Variants in EDIL3 observed in about 807,000 individuals in gnomAD.
EDIL3 encodes EGF like and discoidin domains 3.
A neutral mutation model predicts 67.4 loss-of-function variants in EDIL3; 37 were observed. That is an observed-to-expected ratio of 0.55 (90% CI 0.42 to 0.72). EDIL3 has a LOEUF of 0.72. Ranked by LOEUF, EDIL3 falls within the 30% of genes least tolerant of loss-of-function variation. EDIL3 has a pLI of 0.00. For synonymous variants in EDIL3, 195 were observed against 196.3 expected, an observed-to-expected ratio of 0.99 and a Z score of 0.05; for missense variants, 527 against 586.3, an observed-to-expected ratio of 0.90 and a Z score of 1.04.
chr5:84,129,702 T>C (rs962042666), intron 5 of EDIL3, among the ~76,000 whole-genome samples: 10 of 152,118 alleles, frequency 6.6e-5, no homozygotes, highest in African/African-American at 2.2e-4. Context: ...AAATTAAATA[T>C]TTATTTTTCT....
chr5:84,255,130 C>A (rs968606801), intron 1 of EDIL3, among the ~76,000 whole-genome samples: 5 of 152,084 alleles, frequency 3.3e-5, no homozygotes, highest in African/African-American at 1.2e-4. Flanking sequence ...AAGAACCAGT[C>A]CATTTGAAAG....
At chr5:84,221,800 T>G (rs1456143509) in intron 3 of EDIL3, among the ~76,000 whole-genome samples, 1 of 151,962 alleles carries the variant, frequency 6.6e-6, no homozygotes, top group Non-Finnish European at 1.5e-5. Flanking sequence ...GATAAAACAA[T>G]TAGTAAAGTT....
intron 1 of EDIL3, among the ~76,000 whole-genome samples, chr5:84,320,318 A>G (rs2112154748): frequency 6.6e-6 from 1 of 152,228 alleles, no homozygotes; most frequent in South Asian, 2.1e-4. Context: ...TTACTTAAAT[A>G]TATTTGATCC....
intron 1 of EDIL3, among the ~76,000 whole-genome samples, chr5:84,319,488 AAAC>A (rs751973998): frequency 5.3e-5 from 4 of 75,726 alleles, no homozygotes; most frequent in African/African-American, 2.2e-4. Context: ...AAAAAACAAA[AAAC>A]AACAAAAAAA....
rs1472197617 is a variant in EDIL3 at position 84,074,613 on chromosome 5, G to A, written c.652-8007C>T. 7.3e-5 allele frequency among the ~76,000 whole-genome samples: 11 copies of A among 151,646 alleles called. No individual in the cohort carries two copies. The East Asian group carries it at 2.1e-3, about 29-fold the overall frequency. ...ACATGAAAAAATGCTCACCATCACT[G>A]GCCATCAGCGAAATGCAAATCAAAA... On this transcript the variant is annotated intron_variant, in intron 6 of 10. Transcript: ENST00000296591.
chr5:84,055,821 A>G (rs1746435450), intron 9 of EDIL3, among the ~76,000 whole-genome samples: 1 of 152,204 alleles, frequency 6.6e-6, no homozygotes, highest in Non-Finnish European at 1.5e-5. Context: ...CAGGTGCTGG[A>G]GAGGATGTGA....
At chr5:84,035,679 C>T (rs936836853) in intron 9 of EDIL3, among the ~76,000 whole-genome samples, 5 of 152,180 alleles carry the variant, frequency 3.3e-5, no homozygotes, top group South Asian at 2.1e-4. Flanking sequence ...CTTTCTTTTA[C>T]TTCTTGGACT....
chr5:84,133,871 A>C (rs1234803322), intron 5 of EDIL3, among the ~76,000 whole-genome samples: 1 of 152,106 alleles, frequency 6.6e-6, no homozygotes, highest in Non-Finnish European at 1.5e-5. Context: ...AATCACATCT[A>C]GAAGTCTAAA....
chr5:84,374,180 C>T (rs1280289350), intron 1 of EDIL3, among the ~76,000 whole-genome samples: 1 of 151,538 alleles, frequency 6.6e-6, no homozygotes, highest in Non-Finnish European at 1.5e-5. Context: ...ATGCCAACCT[C>T]TCCTTTTTAT....
At chr5:84,311,312 C>CTTTTTTTTT (rs900034474) in intron 1 of EDIL3, among the ~76,000 whole-genome samples, 1 of 93,898 alleles carries the variant, frequency 1.1e-5, no homozygotes. Flanking sequence ...AATGTATTTT[C>CTTTTTTTTT]TTTTTTTTTT....
chr5:84,183,543 T>C (rs1323694768), intron 3 of EDIL3, among the ~76,000 whole-genome samples: 1 of 152,192 alleles, frequency 6.6e-6, no homozygotes, highest in African/African-American at 2.4e-5. Context: ...TTTCCAGTTT[T>C]GCAGGTGAGG....
intron 1 of EDIL3, among the ~76,000 whole-genome samples, chr5:84,304,035 A>G (rs1002725669): frequency 1.3e-5 from 2 of 152,162 alleles, no homozygotes; most frequent in Non-Finnish European, 2.9e-5. Context: ...ACAGAGTAAT[A>G]TACTCATTGG....
At chr5:84,119,564 T>A (rs1289479131) in intron 5 of EDIL3, among the ~76,000 whole-genome samples, 6 of 152,078 alleles carry the variant, frequency 3.9e-5, no homozygotes, top group Non-Finnish European at 7.4e-5. Flanking sequence ...TTAAATAATC[T>A]TAGTTTAAAA....
chr5:84,138,161 A>C (rs1748127195), intron 4 of EDIL3, among the ~76,000 whole-genome samples: 1 of 152,220 alleles, frequency 6.6e-6, no homozygotes, highest in Non-Finnish European at 1.5e-5. Context: ...ATTCTGTGGG[A>C]GCCAGTACAG....
Position 84,358,592 on chromosome 5 carries a change from C to CTTTTTTTT in EDIL3, c.67+25708_67+25715dup, listed in dbSNP as rs756013675. Among the ~76,000 whole-genome samples the CTTTTTTTT allele has an allele frequency of 3.9e-4, 37 of 94,570 alleles. 1 individual carries two copies. The highest frequency in any genetic ancestry group is 1.3e-3 in the African/African-American group (33 of 25,324). 62.0% of individuals were successfully genotyped at this position (94,570 alleles called of 152,430 possible). ...GCATAAGACAGTATTCATTTTTATC[C>CTTTTTTTT]TTTTTTTTTTTTTTTTTTTTTTTTT... On this transcript the variant is annotated intron_variant, in intron 1 of 10. Coordinates refer to ENST00000296591, the MANE Select transcript of EDIL3 (RefSeq NM_005711.5).
chr5:84,237,810 ATAT>A (rs1449329424), intron 2 of EDIL3, among the ~76,000 whole-genome samples: 4 of 152,172 alleles, frequency 2.6e-5, no homozygotes, highest in Non-Finnish European at 5.9e-5. Flanking sequence ...ATATTGGATG[ATAT>A]TATATTTCTG....
chr5:84,041,149 A>G (rs1197358983), intron 9 of EDIL3, among the ~76,000 whole-genome samples: 5 of 151,110 alleles, frequency 3.3e-5, no homozygotes, highest in Non-Finnish European at 7.4e-5. Flanking sequence ...AAAAAAAAAC[A>G]CAAAACAAAC....
chr5:84,318,564 C>T (rs1232249146), intron 1 of EDIL3, among the ~76,000 whole-genome samples: 1 of 152,124 alleles, frequency 6.6e-6, no homozygotes, highest in Non-Finnish European at 1.5e-5. Flanking sequence ...AGGAAAGATT[C>T]CCTATTTAAT....
intron 1 of EDIL3, among the ~76,000 whole-genome samples, chr5:84,339,172 C>A (rs1410246348): frequency 2.0e-5 from 3 of 152,102 alleles, no homozygotes; most frequent in Non-Finnish European, 2.9e-5. Context: ...TTCCTTCTGT[C>A]ACTCTTCACC....
Sources: gnomAD v4.1 joint callset for allele counts (sites outside exome capture counted in the v4.1 genomes callset) on GRCh38, gnomAD v4.1.1 for gene constraint, MANE v1.5 for transcripts, NCBI Gene and HGNC (gene_info 2026-07-23, HGNC 2026-07-21) for gene names.